The following MYO5A variants were observed in gnomAD, a reference collection of about 807,000 sequenced individuals.
MYO5A encodes unconventional myosin-Va.
Under a neutral mutation model 249.7 loss-of-function variants are expected in MYO5A, and 98 were observed. The observed-to-expected ratio is 0.39, with a 90% CI of 0.33 to 0.46. MYO5A has a LOEUF of 0.46. MYO5A is among the 20% of genes least tolerant of loss of function. MYO5A has a pLI of 0.98. For missense variants in MYO5A, 1,696 were observed against 2,308.8 expected, an observed-to-expected ratio of 0.73 and a Z score of 5.44; for synonymous variants, 778 against 810.6, an observed-to-expected ratio of 0.96 and a Z score of 0.68.
At chr15:52,470,656 A>T (rs1424516165) in intron 1 of MYO5A, among the ~76,000 whole-genome samples, 2 of 151,874 alleles carry the variant, frequency 1.3e-5, no homozygotes, top group African/African-American at 4.8e-5. Context: ...ATCCCCCCTC[A>T]AAAAAAGGCC....
chr15:52,410,201 A>G lies in MYO5A; in HGVS notation c.756+132T>C. ...GGCACCATTTTACAGGCTTCAGTCC[A>G]AGTGTGGTTGGAGGTAATATTGTCA... On this transcript the variant is annotated intron_variant, in intron 6 of 41. Coordinates refer to ENST00000399233, the MANE Select transcript of MYO5A (RefSeq NM_001382347.1). 8 of 1,105,400 alleles carry G rather than the reference A, an allele frequency of 7.2e-6. No homozygotes were observed. The Admixed American group carries it at 1.4e-4, about 19-fold the overall frequency. The allele number at this position is 1,105,400 out of a possible 1,614,324, so 68.5% of individuals were successfully genotyped here.
intron 34 of MYO5A, among the ~76,000 whole-genome samples, chr15:52,335,404 T>C (rs2039065533): frequency 1.3e-5 from 2 of 149,980 alleles, no homozygotes; most frequent in Non-Finnish European, 2.9e-5. Flanking sequence ...TAATCCCAGC[T>C]ACTCAGGAGG....
At chr15:52,428,884 C>T (rs1010483373) in intron 2 of MYO5A, among the ~76,000 whole-genome samples, 4 of 152,126 alleles carry the variant, frequency 2.6e-5, no homozygotes, top group Admixed American at 1.3e-4. Context: ...CCCCTTTTAC[C>T]TATAAAAAAG....
At chr15:52,352,802 G>GAA (rs199795467) in intron 27 of MYO5A, among the ~76,000 whole-genome samples, 10 of 150,430 alleles carry the variant, frequency 6.6e-5, no homozygotes, top group African/African-American at 2.4e-4. Context: ...AAAGAAAAAA[G>GAA]AAAAAAAAAC....
At chr15:52,495,166 T>C (rs1476920733) in intron 1 of MYO5A, among the ~76,000 whole-genome samples, 5 of 152,042 alleles carry the variant, frequency 3.3e-5, no homozygotes, top group African/African-American at 1.2e-4. Context: ...CAGTAACAAA[T>C]GAATGGATAA....
intron 1 of MYO5A, among the ~76,000 whole-genome samples, chr15:52,523,528 A>G (rs1403033514): frequency 6.6e-6 from 1 of 152,216 alleles, no homozygotes; most frequent in African/African-American, 2.4e-5. Context: ...CAGGGGGCTT[A>G]GAGTATCGTG....
intron 2 of MYO5A, 59 bp downstream of exon 2, chr15:52,433,116 T>C: frequency 8.0e-7 from 1 of 1,248,564 alleles, no homozygotes; most frequent in Non-Finnish European, 1.2e-6. Flanking sequence ...ACAGTAAATT[T>C]ACACTTTTGA....
intron 34 of MYO5A, among the ~76,000 whole-genome samples, chr15:52,334,642 A>G (rs560945530): frequency 6.6e-6 from 1 of 152,378 alleles, no homozygotes; most frequent in East Asian, 1.9e-4. Context: ...CATGTTATAA[A>G]TATTTCTGAA....
intron 1 of MYO5A, among the ~76,000 whole-genome samples, chr15:52,462,863 G>T (rs1356432145): frequency 6.6e-6 from 1 of 151,640 alleles, no homozygotes; most frequent in African/African-American, 2.4e-5. Context: ...AAAAAAAAAG[G>T]TTATGAAATT....
At chr15:52,521,743 C>T (rs1350597843) in intron 1 of MYO5A, among the ~76,000 whole-genome samples, 1 of 152,096 alleles carries the variant, frequency 6.6e-6, no homozygotes, top group Non-Finnish European at 1.5e-5. Flanking sequence ...AAAAGAATTC[C>T]AAGTGAGGAG....
At chr15:52,481,616 A>T (rs2076716575) in intron 1 of MYO5A, among the ~76,000 whole-genome samples, 1 of 152,218 alleles carries the variant, frequency 6.6e-6, no homozygotes, top group African/African-American at 2.4e-5. Flanking sequence ...TTCCTAAAGG[A>T]GGGGGACATG....
rs1292513314 is a variant in MYO5A, at chr15:52,345,266, C to A, written c.3959+1095G>T. Among the ~76,000 whole-genome samples, 5 of 152,232 alleles carry A rather than the reference C, an allele frequency of 3.3e-5. No individual in the cohort carries two copies. In the South Asian group the frequency reaches 1.0e-3, roughly 32 times the overall value. ...ACTACTTATAATACTCTGTAAATAA[C>A]TGTTACACTGTATTGTTTAAGAAAT... On this transcript the variant is annotated intron_variant, in intron 30 of 41. Coordinates refer to ENST00000399233, the MANE Select transcript of MYO5A (RefSeq NM_001382347.1).
At chr15:52,473,634 C>T (rs2076526803) in intron 1 of MYO5A, among the ~76,000 whole-genome samples, 1 of 152,184 alleles carries the variant, frequency 6.6e-6, no homozygotes, top group South Asian at 2.1e-4. Flanking sequence ...TTTCCCAGCA[C>T]CATTAATTAA....
At chr15:52,483,612 C>G (rs2076760035) in intron 1 of MYO5A, among the ~76,000 whole-genome samples, 1 of 152,168 alleles carries the variant, frequency 6.6e-6, no homozygotes, top group African/African-American at 2.4e-5. Flanking sequence ...AGTTTTCCTT[C>G]CCCATCCATT....
chr15:52,361,607 G>A (rs760553808), intron 24 of MYO5A, among the ~76,000 whole-genome samples: 16 of 152,170 alleles, frequency 1.1e-4, no homozygotes, highest in South Asian at 2.1e-4. Context: ...CTATCTCATA[G>A]GGTCTGTGTG....
At chr15:52,399,336 T>C (rs1053752478) in intron 9 of MYO5A, among the ~76,000 whole-genome samples, 7 of 152,182 alleles carry the variant, frequency 4.6e-5, no homozygotes, top group African/African-American at 1.7e-4. Context: ...TTCATTCTGT[T>C]GCCCAGGCTA....
chr15:52,456,418 C>T (rs1040170937), intron 1 of MYO5A, among the ~76,000 whole-genome samples: 3 of 151,948 alleles, frequency 2.0e-5, no homozygotes, highest in African/African-American at 7.2e-5. Flanking sequence ...TCAATGCAAT[C>T]CATTTCAAAA....
intron 18 of MYO5A, among the ~76,000 whole-genome samples, chr15:52,378,996 T>C (rs568874960): frequency 6.6e-6 from 1 of 152,338 alleles, no homozygotes; most frequent in Admixed American, 6.5e-5. Flanking sequence ...TAACCATTTC[T>C]CTACTGTCCC....
At chr15:52,443,460 C>CGCTTCACTTTGGGAG (rs2075824214) in intron 1 of MYO5A, among the ~76,000 whole-genome samples, 2 of 152,254 alleles carry the variant, frequency 1.3e-5, no homozygotes, top group African/African-American at 4.8e-5. Context: ...AAGTAAATCA[C>CGCTTCACTTTGGGAG]GCTTCACTTT....
Sources: allele counts gnomAD v4.1 joint callset (sites outside exome capture counted in the v4.1 genomes callset), GRCh38; gene constraint gnomAD v4.1.1; transcripts MANE v1.5; gene names NCBI Gene and HGNC (gene_info 2026-07-23, HGNC 2026-07-21).